Variants in GPBP1 observed in about 807,000 individuals in gnomAD.
The protein encoded by GPBP1 is GC-rich promoter binding protein 1.
A neutral mutation model predicts 56.5 loss-of-function variants in GPBP1; 13 were observed. That is an observed-to-expected ratio of 0.23 (90% CI 0.15 to 0.37). The LOEUF is 0.37. Ranked by LOEUF, GPBP1 falls within the 10% of genes least tolerant of loss-of-function variation. GPBP1 has a pLI of 1.00. For synonymous variants in GPBP1, 204 were observed against 188.9 expected (o/e 1.08, Z -0.66); for missense variants, 477 against 572.3 (o/e 0.83, Z 1.70).
intron 10 of GPBP1, 114 bp from the exon 11 acceptor site, chr5:57,261,066 T>TG (rs2111979045): frequency 1.5e-6 from 1 of 687,688 alleles, no homozygotes; most frequent in Non-Finnish European, 2.6e-6. Context: ...TGATGTGTCT[T>TG]GGGGTCTTTG....
chr5:57,205,472 G>A (rs549800897), intron 2 of GPBP1, among the ~76,000 whole-genome samples: 203 of 151,992 alleles, frequency 1.3e-3, no homozygotes, highest in African/African-American at 4.6e-3. Flanking sequence ...TTGCGTGTTT[G>A]ACTTTTTAAG....
At chr5:57,227,687 A>AG (rs111982515) in intron 3 of GPBP1, among the ~76,000 whole-genome samples, 5,727 of 152,252 alleles carry the variant, frequency 0.038, 157 homozygotes, top group African/African-American at 0.069. Context: ...CAAAGGTCTT[A>AG]GGGGGCTGTA....
At chr5:57,241,265 A>G (rs763783729) in intron 6 of GPBP1, among the ~76,000 whole-genome samples, 7 of 152,208 alleles carry the variant, frequency 4.6e-5, no homozygotes, top group East Asian at 3.8e-4. Context: ...TGTGTGGCCA[A>G]TTTACTTTGT....
At chr5:57,230,809 G>C (rs778521391) in intron 3 of GPBP1, 37 bp from the exon 4 acceptor site, 1 of 1,550,648 alleles carries the variant, frequency 6.4e-7, no homozygotes, top group East Asian at 2.3e-5. Flanking sequence ...TTATATTTAG[G>C]TTTCATAAAT....
In GPBP1 at chr5:57,176,143, G is replaced by A. The variant is rs965550530; in HGVS notation, c.-315G>A. The A allele has an allele frequency of 5.6e-5, 22 of 396,202 alleles. No homozygotes were observed. The highest frequency in any genetic ancestry group is 4.1e-4 in the African/African-American group (20 of 48,564). The allele number at this position is 396,202 out of a possible 1,614,324, so 24.5% of individuals were successfully genotyped here. ...TCTGGAGTGGACAAGTACAACAGTG[G>A]CAAGTACATGGAATAATAAAGAAGA... is the stretch of plus-strand genomic sequence containing the variant. On this transcript the variant is annotated 5_prime_UTR_variant, in exon 2 of 12. Transcript: ENST00000506184.
chr5:57,256,169 T>G (rs960306215), intron 10 of GPBP1, among the ~76,000 whole-genome samples: 1 of 152,062 alleles, frequency 6.6e-6, no homozygotes, highest in African/African-American at 2.4e-5. Context: ...AGCACAAGAA[T>G]CTCTGGAACC....
intron 3 of GPBP1, among the ~76,000 whole-genome samples, chr5:57,223,538 C>T (rs1193788888): frequency 6.6e-6 from 1 of 152,046 alleles, no homozygotes; most frequent in Non-Finnish European, 1.5e-5. Context: ...ATTCCATGCT[C>T]TCTACCATCC....
intron 2 of GPBP1, among the ~76,000 whole-genome samples, chr5:57,205,032 C>T (rs984792805): frequency 6.6e-6 from 1 of 152,138 alleles, no homozygotes; most frequent in Non-Finnish European, 1.5e-5. Context: ...ATAGTGTTTT[C>T]AAGCCTCCAC....
At chr5:57,197,174 A>C (rs1754801510) in intron 2 of GPBP1, among the ~76,000 whole-genome samples, 1 of 152,090 alleles carries the variant, frequency 6.6e-6, no homozygotes. Flanking sequence ...TGGCCATCAC[A>C]TCTAGCCCAT....
Position 57,262,859 on chromosome 5 carries a change from TAGAA to T in GPBP1, c.*108_*111del. 1 of 984,358 alleles carries T rather than the reference TAGAA, an allele frequency of 1.0e-6. No individual in the cohort carries two copies. The highest frequency in any genetic ancestry group is 2.2e-4 in the Middle Eastern group (1 of 4,548). 61.0% of individuals were successfully genotyped at this position (984,358 alleles called of 1,614,324 possible). A position where few individuals can be genotyped will look rare whatever the true frequency, so the allele number is the denominator to read the frequency against. On this transcript the variant is annotated 3_prime_UTR_variant, in exon 12 of 12. Coordinates refer to ENST00000506184, the MANE Select transcript of GPBP1 (RefSeq NM_022913.4). ...TAATTTATGTAGTGAAATACCCCAT[TAGAA>T]GAGGATTTTTTGGGGGACTTCAATA...
At chr5:57,247,546 A>G (rs984937962) in intron 8 of GPBP1, among the ~76,000 whole-genome samples, 4 of 151,964 alleles carry the variant, frequency 2.6e-5, no homozygotes, top group African/African-American at 9.7e-5. Flanking sequence ...ATAGCTGGGC[A>G]TGGTGGTATG....
intron 3 of GPBP1, among the ~76,000 whole-genome samples, chr5:57,229,998 G>A (rs1756379705): frequency 7.8e-6 from 1 of 128,900 alleles, no homozygotes; most frequent in African/African-American, 3.1e-5. Flanking sequence ...GCGTGATCTC[G>A]GTTCACTGCA....
intron 2 of GPBP1, among the ~76,000 whole-genome samples, chr5:57,206,815 A>G (rs978850406): frequency 6.6e-6 from 1 of 152,068 alleles, no homozygotes; most frequent in African/African-American, 2.4e-5. Flanking sequence ...GTGTGGGCTT[A>G]TTTCTGGTTT....
chr5:57,183,837 TCA>T (rs2111590888), intron 2 of GPBP1, among the ~76,000 whole-genome samples: 1 of 148,750 alleles, frequency 6.7e-6, no homozygotes, highest in African/African-American at 2.5e-5. Flanking sequence ...AGTGGTGCCA[TCA>T]CAGTTTGCTG....
intron 6 of GPBP1, among the ~76,000 whole-genome samples, chr5:57,238,759 T>G (rs953183387): frequency 6.6e-6 from 1 of 152,144 alleles, no homozygotes; most frequent in African/African-American, 2.4e-5. Flanking sequence ...AACTCAGCAT[T>G]TATATATTTT....
intron 3 of GPBP1, among the ~76,000 whole-genome samples, chr5:57,225,491 C>CG (rs1554068985): frequency 2.6e-5 from 1 of 38,136 alleles, no homozygotes; most frequent in African/African-American, 9.4e-5. Context: ...GATTCCTTCT[C>CG]AAAAAAAAAA....
intron 2 of GPBP1, among the ~76,000 whole-genome samples, chr5:57,197,996 A>C (rs374527105): frequency 1.3e-5 from 2 of 151,982 alleles, no homozygotes; most frequent in South Asian, 4.2e-4. Context: ...GCCAGAACCC[A>C]TATTAGCTCC....
intron 2 of GPBP1, among the ~76,000 whole-genome samples, chr5:57,190,400 C>G (rs1438186463): frequency 6.6e-6 from 1 of 151,938 alleles, no homozygotes; most frequent in Non-Finnish European, 1.5e-5. Flanking sequence ...GCCTGGCCAA[C>G]ACGGTGAAAC....
intron 2 of GPBP1, among the ~76,000 whole-genome samples, chr5:57,180,461 CT>C (rs1192099295): frequency 2.0e-5 from 3 of 152,068 alleles, no homozygotes; most frequent in Non-Finnish European, 2.9e-5. Context: ...TTTTCTGTTT[CT>C]TTTTTGATAA....
Sources: allele counts gnomAD v4.1 joint callset (sites outside exome capture counted in the v4.1 genomes callset), GRCh38; gene constraint gnomAD v4.1.1; transcripts MANE v1.5; gene names NCBI Gene and HGNC (gene_info 2026-07-23, HGNC 2026-07-21).